The following NAXD variants were observed in gnomAD, a reference collection of about 807,000 sequenced individuals.
The protein encoded by NAXD is NAD(P)HX dehydratase, also known as ATP-dependent (S)-NAD(P)H-hydrate dehydratase.
A neutral mutation model predicts 35.8 loss-of-function variants in NAXD; 22 were observed. That is an observed-to-expected ratio of 0.62 (90% CI 0.44 to 0.88). The LOEUF (loss-of-function observed/expected upper bound fraction) is 0.88, where lower values mean the gene tolerates loss of function less well. Among genes scored for constraint, NAXD ranks in the 40% least tolerant of loss-of-function variants. The probability of loss-of-function intolerance (pLI) is 0.00; values close to 1 mark genes in which losing one functional copy is unlikely to be tolerated. For missense variants in NAXD, 428 were observed against 437.7 expected (o/e 0.98, Z 0.20); for synonymous variants, 189 against 177.6 (o/e 1.06, Z -0.51).
rs74390421 is a variant in NAXD, at chr13:110,621,028, A to G, written c.47-1188A>G. ...ACAGGAAGCTCTTCAAGAAAGGCCA[A>G]TTGAAGTGTAGCTGTTTAGAGACAA... is the stretch of plus-strand genomic sequence containing the variant. On this transcript the variant is annotated intron_variant, in intron 1 of 9. Transcript: ENST00000680254. Among the ~76,000 whole-genome samples the G allele has an allele frequency of 5.3e-3, 804 of 152,352 alleles. 6 individuals are homozygous for G. The highest frequency in any genetic ancestry group is 0.018 in the African/African-American group (751 of 41,572).
intron 8 of NAXD, 95 bp from the exon 9 acceptor site, chr13:110,637,034 G>A: frequency 1.4e-6 from 2 of 1,420,116 alleles, no homozygotes; most frequent in Admixed American, 2.4e-5. Flanking sequence ...GGAGGGTGTG[G>A]CTCTGCCTGC....
At position 110,638,105 on chromosome 13, in the gene NAXD, C is replaced by A; in HGVS notation, c.840-273C>A. The A allele has an allele frequency of 1.1e-6, 1 of 879,714 alleles. No homozygotes were observed. The highest frequency in any genetic ancestry group is 1.8e-6 in the Non-Finnish European group (1 of 559,268). The allele number at this position is 879,714 out of a possible 1,614,324, so 54.5% of individuals were successfully genotyped here. ...GCAGCTTGTGCCGCCTGGCTTTCCC[C>A]GGGAACACCTGGCCCACTGTGTGCC... is the stretch of plus-strand genomic sequence containing the variant. On this transcript the variant is annotated intron_variant, in intron 9 of 9. Coordinates refer to ENST00000680254, the MANE Select transcript of NAXD (RefSeq NM_001242882.2). The surrounding 1 kb of genome is among the most constrained non-coding windows in gnomAD (Gnocchi z 5.4).
At chr13:110,633,755 GTAGT>G (rs1161591698) in intron 5 of NAXD, among the ~76,000 whole-genome samples, 1 of 140,228 alleles carries the variant, frequency 7.1e-6, no homozygotes, top group African/African-American at 3.0e-5. Flanking sequence ...ATCTATACAT[GTAGT>G]TTTTTTTTTT....
At chr13:110,629,405 C>T (rs1421334302) in intron 5 of NAXD, among the ~76,000 whole-genome samples, 1 of 152,222 alleles carries the variant, frequency 6.6e-6, no homozygotes, top group Admixed American at 6.5e-5. Flanking sequence ...TCACCATGAT[C>T]AACCTTAGAA....
chr13:110,626,507 A>G (rs1886488566), intron 4 of NAXD, among the ~76,000 whole-genome samples: 1 of 130,504 alleles, frequency 7.7e-6, no homozygotes, highest in African/African-American at 2.9e-5. Flanking sequence ...AGTCATGCAC[A>G]TGTGGACGGT....
At chr13:110,616,154 G>T in intron 1 of NAXD, 1 of 229,490 alleles carries the variant, frequency 4.4e-6, no homozygotes, top group Non-Finnish European at 8.5e-6. Context: ...CGCCAACTGC[G>T]GGCTTGCTGT....
At chr13:110,636,236 C>T (rs778558028) in intron 8 of NAXD, among the ~76,000 whole-genome samples, 5 of 152,222 alleles carry the variant, frequency 3.3e-5, no homozygotes, top group Non-Finnish European at 7.3e-5. Flanking sequence ...TGATGGGCAG[C>T]GAATGTGCTC....
At position 110,615,621 on chromosome 13, in the gene NAXD, G is replaced by A. The variant is rs1370565194; in HGVS notation, c.20G>A (p.Cys7Tyr). The change falls in exon 1 of 10, where the codon TGT (cysteine) becomes TAT (tyrosine). Residue 7 changes from cysteine (C) to tyrosine (Y), a missense_variant. This residue lies in a region of NAXD where 208 missense variants were observed against 193.0 expected (regional missense o/e 1.08). Coordinates refer to ENST00000680254, the MANE Select transcript of NAXD (RefSeq NM_001242882.2). MALGPR[C>Y]GAIRACRRVL... Reference sequence around the variant, plus strand: ...TGCCCGATGGCCCTGGGTCCTCGCTGTGGGGCAATCCGGGCTTGCAGACGA... The same window carrying A: ...TGCCCGATGGCCCTGGGTCCTCGCTATGGGGCAATCCGGGCTTGCAGACGA... 6.8e-7 allele frequency: 1 copy of A among 1,474,284 alleles called. No homozygotes were observed. Among genetic ancestry groups the A allele is most frequent in the South Asian group, 1.3e-5 (1 of 77,882 alleles). 91.3% of individuals were successfully genotyped at this position (1,474,284 alleles called of 1,614,324 possible). A position where few individuals can be genotyped will look rare whatever the true frequency, so the allele number is the denominator to read the frequency against.
chr13:110,620,444 G>A (rs1886217743), intron 1 of NAXD, among the ~76,000 whole-genome samples: 1 of 152,016 alleles, frequency 6.6e-6, no homozygotes, highest in Non-Finnish European at 1.5e-5. Context: ...GCTGGGCGTG[G>A]TGGCATGCGC....
intron 1 of NAXD, among the ~76,000 whole-genome samples, chr13:110,619,772 CAA>C (rs1375412691): frequency 6.6e-6 from 1 of 152,150 alleles, no homozygotes; most frequent in East Asian, 1.9e-4. Context: ...CTCCCCACGA[CAA>C]AGACAGGATG....
At chr13:110,622,167 A>G (rs887721016) in intron 1 of NAXD, 49 bp from the exon 2 acceptor site, 1 of 1,534,768 alleles carries the variant, frequency 6.5e-7, no homozygotes, top group Non-Finnish European at 8.9e-7. Context: ...TATGTGTACT[A>G]ACAATATCTG....
At chr13:110,630,851 T>C (rs1886671835) in intron 5 of NAXD, among the ~76,000 whole-genome samples, 1 of 152,190 alleles carries the variant, frequency 6.6e-6, no homozygotes, top group Non-Finnish European at 1.5e-5. Context: ...GACTGTTGTT[T>C]CTGTTTTGTT....
intron 2 of NAXD, 118 bp downstream of exon 2, chr13:110,622,484 A>C (rs762575394): frequency 1.0e-6 from 1 of 979,056 alleles, no homozygotes; most frequent in Admixed American, 2.4e-5. Flanking sequence ...ATGCAGCCTG[A>C]TAGGACACTC....
At chr13:110,619,473 G>A (rs1263213551) in intron 1 of NAXD, among the ~76,000 whole-genome samples, 1 of 152,076 alleles carries the variant, frequency 6.6e-6, no homozygotes, top group Non-Finnish European at 1.5e-5. Flanking sequence ...TTTAACATCC[G>A]TAAGTTGAAG....
chr13:110,636,409 C>T (rs1197661456), intron 8 of NAXD, among the ~76,000 whole-genome samples: 7 of 152,178 alleles, frequency 4.6e-5, no homozygotes, highest in African/African-American at 7.2e-5. Context: ...CTCACAGCCT[C>T]GCACGCCCTT....
chr13:110,615,818 C>A, intron 1 of NAXD, 171 bp downstream of exon 1: 1 of 1,284,944 alleles, frequency 7.8e-7, no homozygotes, highest in Non-Finnish European at 9.9e-7. Flanking sequence ...GGGGGGGAAG[C>A]GCCGCCGAGG....
At position 110,637,760 on chromosome 13, in the gene NAXD, A is replaced by G. The variant is rs145321718; in HGVS notation, c.839+511A>G. 1.9e-4 allele frequency: 90 copies of G among 461,980 alleles called. 1 individual carries two copies. The highest frequency in any genetic ancestry group is 1.2e-3 in the South Asian group (75 of 64,608). The allele number at this position is 461,980 out of a possible 1,614,324, so 28.6% of individuals were successfully genotyped here. ...CCATTTCTCTTCTGTGAGCCCATCAAGGTGGTGGCTGCAGGTGCTAGGTGT... is the reference window on the plus strand; with the variant it reads ...CCATTTCTCTTCTGTGAGCCCATCAGGGTGGTGGCTGCAGGTGCTAGGTGT... On this transcript the variant is annotated intron_variant, in intron 9 of 9. Transcript: ENST00000680254.
chr13:110,632,639 A>T (rs1886750052), intron 5 of NAXD, among the ~76,000 whole-genome samples: 1 of 152,052 alleles, frequency 6.6e-6, no homozygotes, highest in Non-Finnish European at 1.5e-5. Flanking sequence ...CTAGATACAG[A>T]GTGTCGATAG....
intron 2 of NAXD, 83 bp from the exon 3 acceptor site, chr13:110,624,151 T>A (rs1233764354): frequency 2.5e-6 from 2 of 808,246 alleles, no homozygotes; most frequent in African/African-American, 3.4e-5. Context: ...TTTATGTCTA[T>A]TTTTTATTGA....
Sources: allele counts gnomAD v4.1 joint callset (sites outside exome capture counted in the v4.1 genomes callset), GRCh38; gene constraint gnomAD v4.1.1; regional missense constraint gnomAD v4.1.1; non-coding constraint Gnocchi (gnomAD v3.1); transcripts MANE v1.5; gene names NCBI Gene and HGNC (gene_info 2026-07-23, HGNC 2026-07-21).